The following PIK3R6 variants were observed in gnomAD, a reference collection of about 807,000 sequenced individuals.
The protein encoded by PIK3R6 is phosphoinositide-3-kinase regulatory subunit 6, also known as phosphoinositide 3-kinase regulatory subunit 6.
A neutral mutation model predicts 84.9 loss-of-function variants in PIK3R6; 91 were observed. That is an observed-to-expected ratio of 1.07 (90% confidence interval 0.90 to 1.28). The LOEUF (loss-of-function observed/expected upper bound fraction) is 1.28, where lower values mean the gene tolerates loss of function less well. PIK3R6 is among the 50% of genes most tolerant of loss of function. PIK3R6 has a pLI of 0.00. For missense variants in PIK3R6, 996 were observed against 985.1 expected, an observed-to-expected ratio of 1.01 and a Z score of -0.15; for synonymous variants, 416 against 411.4, an observed-to-expected ratio of 1.01 and a Z score of -0.13.
intron 13 of PIK3R6, among the ~76,000 whole-genome samples, chr17:8,825,517 A>G (rs1414619922): frequency 6.6e-6 from 1 of 152,232 alleles, no homozygotes. Flanking sequence ...CGTACTAAAT[A>G]CAAGCACATG....
At chr17:8,817,263 C>G (rs2151195520) in intron 18 of PIK3R6, among the ~76,000 whole-genome samples, 1 of 152,306 alleles carries the variant, frequency 6.6e-6, no homozygotes, top group Admixed American at 6.5e-5. Context: ...GTCATTCTCT[C>G]CAGGGATTGG....
chr17:8,810,038 T>G (rs888434123), intron 18 of PIK3R6, among the ~76,000 whole-genome samples: 1 of 151,942 alleles, frequency 6.6e-6, no homozygotes, highest in Admixed American at 6.6e-5. Flanking sequence ...GCCACTGTAT[T>G]AATCCATTTT....
chr17:8,830,436 G>A (rs939809365), intron 9 of PIK3R6, among the ~76,000 whole-genome samples: 1 of 152,114 alleles, frequency 6.6e-6, no homozygotes, highest in African/African-American at 2.4e-5. Flanking sequence ...CCTCACATGT[G>A]GTCTTAGGAT....
At position 8,864,254 on chromosome 17, in the gene PIK3R6, G is replaced by T. The variant is rs192211390; in HGVS notation, c.-92+3275C>A. ...TTGCAGCTCGTCATGAAAATTTGGG[G>T]TTTCCTAGGCTCAGGGTTCCTGGGC... On this transcript the variant is annotated intron_variant, in intron 1 of 19. Transcript: ENST00000619866. 4.6e-5 allele frequency among the ~76,000 whole-genome samples: 7 copies of T among 152,206 alleles called. No homozygotes were observed. In the East Asian group the frequency reaches 1.4e-3, roughly 29 times the overall value.
At chr17:8,841,003 C>T (rs765377574) in intron 2 of PIK3R6, among the ~76,000 whole-genome samples, 64 of 152,202 alleles carry the variant, frequency 4.2e-4, no homozygotes, top group Non-Finnish European at 7.1e-4. Context: ...CTGCCCGCCT[C>T]GGCCTTCCAA....
chr17:8,835,406 G>C lies in PIK3R6; in HGVS notation c.512C>G (p.Ala171Gly). 1.2e-6 allele frequency: 2 copies of C among 1,609,722 alleles called. No homozygotes were observed. The highest frequency in any genetic ancestry group is 3.3e-4 in the Middle Eastern group (2 of 6,040). ...GGCCGCCTCGATCTCCAGTAGCAGAGCACTGCACACAGACGCAGACACCAG... is the reference window on the plus strand; with the variant it reads ...GGCCGCCTCGATCTCCAGTAGCAGACCACTGCACACAGACGCAGACACCAG... ...PELVSASVCS[A>G]LLLEIEAAQA... Residue 171 changes from alanine to glycine, a missense_variant, in exon 8 of 20, where the codon GCT (alanine) becomes GGT (glycine). Transcript: ENST00000619866.
chr17:8,851,878 G>C (rs1046543255), intron 1 of PIK3R6, among the ~76,000 whole-genome samples: 1 of 152,182 alleles, frequency 6.6e-6, no homozygotes, highest in African/African-American at 2.4e-5. Context: ...TCCATCAACA[G>C]AGAAGCAATG....
chr17:8,866,115 G>T (rs956789649), intron 1 of PIK3R6, among the ~76,000 whole-genome samples: 6 of 152,092 alleles, frequency 3.9e-5, no homozygotes, highest in African/African-American at 1.4e-4. Flanking sequence ...GGGCAACTTG[G>T]GCTGCTTGCT....
intron 18 of PIK3R6, among the ~76,000 whole-genome samples, chr17:8,809,750 T>C (rs1354699763): frequency 6.6e-6 from 1 of 152,028 alleles, no homozygotes; most frequent in African/African-American, 2.4e-5. Context: ...AAAAACAGGA[T>C]CCAACTGTAT....
intron 2 of PIK3R6, among the ~76,000 whole-genome samples, chr17:8,843,872 T>C (rs2088753203): frequency 6.6e-6 from 1 of 152,138 alleles, no homozygotes; most frequent in South Asian, 2.1e-4. Context: ...ATCCTCTGCC[T>C]GGCCCCTGGA....
intron 5 of PIK3R6, among the ~76,000 whole-genome samples, chr17:8,837,349 C>T (rs758817396): frequency 3.9e-5 from 6 of 152,054 alleles, no homozygotes; most frequent in African/African-American, 1.5e-4. Flanking sequence ...CTCTCCCTCC[C>T]GACCTCAGTG....
rs113849627 is a variant in PIK3R6, at chr17:8,845,554, A to G, written c.13+4228T>C. 4.0e-3 allele frequency among the ~76,000 whole-genome samples: 606 copies of G among 152,018 alleles called. 6 individuals are homozygous for G. The highest frequency in any genetic ancestry group is 0.014 in the African/African-American group (583 of 41,452). On this transcript the variant is annotated intron_variant, in intron 2 of 19. Transcript: ENST00000619866. ...TGTGTAAATTCCTTATATATTCTGGATATTAGACCTCTGTTGGAATGCATA... is the reference window on the plus strand; with the variant it reads ...TGTGTAAATTCCTTATATATTCTGGGTATTAGACCTCTGTTGGAATGCATA...
intron 2 of PIK3R6, among the ~76,000 whole-genome samples, chr17:8,848,968 C>T (rs1249188283): frequency 6.6e-6 from 1 of 152,152 alleles, no homozygotes; most frequent in Non-Finnish European, 1.5e-5. Context: ...AGAGTCTCAG[C>T]GTGGTGGCCT....
chr17:8,833,322 G>A (rs577938495), intron 8 of PIK3R6, among the ~76,000 whole-genome samples: 51 of 152,310 alleles, frequency 3.3e-4, no homozygotes, highest in Admixed American at 3.1e-3. Context: ...AGCCACTGAC[G>A]CCCACTTCCT....
chr17:8,820,106 T>A (rs2087685964), intron 17 of PIK3R6, among the ~76,000 whole-genome samples: 1 of 145,038 alleles, frequency 6.9e-6, no homozygotes. Context: ...TCCACCACAC[T>A]GGCTAATTTT....
At chr17:8,807,921 T>C (rs1044122816) in intron 18 of PIK3R6, among the ~76,000 whole-genome samples, 1 of 152,162 alleles carries the variant, frequency 6.6e-6, no homozygotes, top group African/African-American at 2.4e-5. Flanking sequence ...GTGACCAACT[T>C]GCTTGATTTG....
intron 1 of PIK3R6, among the ~76,000 whole-genome samples, chr17:8,855,047 G>A (rs777143798): frequency 1.6e-4 from 25 of 152,084 alleles, no homozygotes; most frequent in Non-Finnish European, 3.1e-4. Flanking sequence ...ACAAACATTA[G>A]TTGGCTGTGG....
chr17:8,814,082 C>G (rs1221556150), intron 18 of PIK3R6, among the ~76,000 whole-genome samples: 2 of 152,072 alleles, frequency 1.3e-5, no homozygotes, highest in Non-Finnish European at 2.9e-5. Context: ...CAAAACTATC[C>G]TAGCAAAGAG....
In PIK3R6 at chr17:8,822,979, G is replaced by T; in HGVS notation, c.1717+17C>A. 1 of 1,571,356 alleles carries T rather than the reference G, an allele frequency of 6.4e-7. No homozygotes were observed. The highest frequency in any genetic ancestry group is 1.1e-5 in the South Asian group (1 of 90,140). ...TGAGTCAGGGTGACCTTTGGCAAAA[G>T]GGAGGCAGATGCTTACCTTTGGGGA... On this transcript the variant is annotated intron_variant, in intron 15 of 19. Coordinates refer to ENST00000619866, the MANE Select transcript of PIK3R6 (RefSeq NM_001010855.4).
Sources: gnomAD v4.1 joint callset for allele counts (sites outside exome capture counted in the v4.1 genomes callset) on GRCh38, gnomAD v4.1.1 for gene constraint, MANE v1.5 for transcripts, NCBI Gene and HGNC (gene_info 2026-07-23, HGNC 2026-07-21) for gene names.